TMEM114: variants seen among roughly 807,000 people sequenced by gnomAD.
TMEM114 encodes the protein claudin-26.
A neutral mutation model predicts 6.2 loss-of-function variants in TMEM114; 6 were observed. The observed-to-expected ratio is 0.97, with a 90% CI of 0.53 to 1.91. The LOEUF (loss-of-function observed/expected upper bound fraction) is 1.91, where lower values mean the gene tolerates loss of function less well. Ranked by LOEUF, TMEM114 falls within the 40% of genes most tolerant of loss-of-function variation. The pLI is 0.01. For synonymous variants in TMEM114, 104 were observed against 73.0 expected (o/e 1.42, Z -2.16); for missense variants, 218 against 158.3 (o/e 1.38, Z -2.02).
the TMEM114 span, among the ~76,000 whole-genome samples, chr16:8,529,881 G>C: frequency 1.3e-5 from 2 of 152,162 alleles, no homozygotes; most frequent in African/African-American, 4.8e-5. Context: ...TAAGCTAGAA[G>C]AATTTTAGGC....
chr16:8,530,245 C>G, the TMEM114 span, among the ~76,000 whole-genome samples: 29 of 152,312 alleles, frequency 1.9e-4, no homozygotes, highest in African/African-American at 6.7e-4. Context: ...AGCAAAGTAT[C>G]TGAGATGAGC....
intron 2 of TMEM114, among the ~76,000 whole-genome samples, chr16:8,557,972 A>C (rs888009629): frequency 1.3e-5 from 2 of 152,174 alleles, no homozygotes; most frequent in African/African-American, 4.8e-5. Flanking sequence ...AAATCAGTCC[A>C]GGCAGGTGCA....
intron 2 of TMEM114, among the ~76,000 whole-genome samples, chr16:8,562,781 T>G (rs1901306316): frequency 6.9e-6 from 1 of 145,168 alleles, no homozygotes. Context: ...AATGAGTGAG[T>G]GAATGAGTAA....
At chr16:8,539,769 A>T (rs1448138398) in intron 2 of TMEM114, among the ~76,000 whole-genome samples, 5 of 152,246 alleles carry the variant, frequency 3.3e-5, no homozygotes, top group Non-Finnish European at 1.5e-5. Flanking sequence ...AAAGAAAAAA[A>T]AAATGGAAGT....
rs182342004 is a variant in TMEM114 at position 8,555,081 on chromosome 16, A to G, written n.213-17255T>C. Among the ~76,000 whole-genome samples, 364 of 152,276 alleles carry G rather than the reference A, an allele frequency of 2.4e-3. 3 individuals carry two copies. The highest frequency in any genetic ancestry group is 8.4e-3 in the African/African-American group (347 of 41,538). On this transcript the variant is annotated intron_variant and non_coding_transcript_variant, in intron 2 of 2. Transcript: ENST00000623677. ...CTCTCCTCCCAGGTCTCTCCTTCAC[A>G]GTAACCTTTGTGGTTTTCTCTGGTT...
At chr16:8,564,441 G>A (rs1383107557) in intron 2 of TMEM114, among the ~76,000 whole-genome samples, 1 of 148,420 alleles carries the variant, frequency 6.7e-6, no homozygotes, top group Non-Finnish European at 1.5e-5. Context: ...GAGGGAGGGA[G>A]GGAATGAGTG....
chr16:8,569,706 A>T lies in TMEM114; in HGVS notation c.*67T>A. 1 of 1,482,008 alleles carries T rather than the reference A, an allele frequency of 6.7e-7. No individual in the cohort carries two copies. Among genetic ancestry groups the T allele is most frequent in the Admixed American group, 2.4e-5 (1 of 42,360 alleles). 91.8% of individuals were successfully genotyped at this position (1,482,008 alleles called of 1,614,324 possible). A position where few individuals can be genotyped will look rare whatever the true frequency, so the allele number is the denominator to read the frequency against. ...TTTGAGGAAGAAGAGGCCGCAGCCG[A>T]TGGAGATCGGTCGGTGAAGCTCCGG... On this transcript the variant is annotated 3_prime_UTR_variant, in exon 4 of 4. Coordinates refer to ENST00000620492, the MANE Select transcript of TMEM114 (RefSeq NM_001146336.2).
intron 2 of TMEM114, among the ~76,000 whole-genome samples, chr16:8,561,859 AGTGAG>A (rs1242317773): frequency 1.3e-5 from 2 of 148,980 alleles, no homozygotes; most frequent in Non-Finnish European, 3.0e-5. Context: ...TGAATGAGTG[AGTGAG>A]GGAATGAGTG....
intron 2 of TMEM114, among the ~76,000 whole-genome samples, chr16:8,538,014 T>C (rs1416132906): frequency 6.6e-6 from 1 of 150,908 alleles, no homozygotes; most frequent in African/African-American, 2.4e-5. Context: ...ATTTTTGCCC[T>C]GAGACTGGGC....
At position 8,584,648 on chromosome 16, in the gene TMEM114, C is replaced by T. The variant is rs138364499; in HGVS notation, c.301+4565G>A. Among the ~76,000 whole-genome samples, 35 of 152,178 alleles carry T rather than the reference C, an allele frequency of 2.3e-4. No individual in the cohort carries two copies. The East Asian group carries it at 5.8e-3, about 25-fold the overall frequency. ...GCTAATAAAGACATACCTGGCTGGG[C>T]GTAATGGCCCACCCTGTAATCCCAG... On this transcript the variant is annotated intron_variant, in intron 2 of 3. Coordinates refer to ENST00000620492, the MANE Select transcript of TMEM114 (RefSeq NM_001146336.2).
At chr16:8,569,231 A>T (rs1901637927), downstream of TMEM114, among the ~76,000 whole-genome samples, 1 of 152,130 alleles carries the variant, frequency 6.6e-6, no homozygotes, top group Non-Finnish European at 1.5e-5. Context: ...GTGCTCTATC[A>T]ATTGGCCAAC....
At position 8,557,499 on chromosome 16, in the gene TMEM114, C is replaced by T. The variant is rs143790999; in HGVS notation, n.213-19673G>A. On this transcript the variant is annotated intron_variant and non_coding_transcript_variant, in intron 2 of 2. Transcript: ENST00000623677. ...AAGAGGACAAACCACAATCGCCCAGCTGAGTCCTTCTGCAATTCCCAACTC... is the reference window on the plus strand; with the variant it reads ...AAGAGGACAAACCACAATCGCCCAGTTGAGTCCTTCTGCAATTCCCAACTC... Among the ~76,000 whole-genome samples the T allele has an allele frequency of 4.4e-3, 674 of 152,340 alleles. 2 individuals are homozygous for T. Among genetic ancestry groups the T allele is most frequent in the South Asian group, 0.016 (78 of 4,826 alleles).
intron 2 of TMEM114, among the ~76,000 whole-genome samples, chr16:8,557,119 A>G (rs187242029): frequency 6.6e-6 from 1 of 152,230 alleles, no homozygotes; most frequent in Non-Finnish European, 1.5e-5. Flanking sequence ...CCAATCCCCC[A>G]TGCCCTTGTT....
downstream of TMEM114, among the ~76,000 whole-genome samples, chr16:8,564,553 A>ATGAG (rs147187526): frequency 0.55 from 43,466 of 79,240 alleles, 15,908 homozygotes; most frequent in East Asian, 0.8. Context: ...GAGTCAGGGA[A>ATGAG]TGAGTGAGTG....
At chr16:8,576,257 A>C (rs1372034343) in intron 2 of TMEM114, among the ~76,000 whole-genome samples, 1 of 152,234 alleles carries the variant, frequency 6.6e-6, no homozygotes, top group Admixed American at 6.5e-5. Context: ...ATTTGGTCAC[A>C]GAATTGTCTC....
At chr16:8,532,954 T>C (rs1405699930), downstream of TMEM114, among the ~76,000 whole-genome samples, 1 of 152,000 alleles carries the variant, frequency 6.6e-6, no homozygotes, top group Non-Finnish European at 1.5e-5. Context: ...AGAAAAGAAA[T>C]ATTCATTCAT....
chr16:8,537,938 A>T (rs1461063082), intron 2 of TMEM114: 1 of 152,140 alleles, frequency 6.6e-6, no homozygotes, highest in Non-Finnish European at 1.5e-5. Flanking sequence ...CTATTTGCAT[A>T]AAACAAGAGA....
chr16:8,572,495 G>C (rs1013443243), intron 2 of TMEM114, among the ~76,000 whole-genome samples: 4 of 152,176 alleles, frequency 2.6e-5, no homozygotes, highest in African/African-American at 4.8e-5. Context: ...AAGTACAGTG[G>C]CACGACCATG....
intron 2 of TMEM114, among the ~76,000 whole-genome samples, chr16:8,563,658 TGAGC>T (rs1901378865): frequency 3.3e-5 from 5 of 151,038 alleles, no homozygotes; most frequent in African/African-American, 1.2e-4. Flanking sequence ...AGTGAATGAG[TGAGC>T]GAATAAGTAA....
Sources: gnomAD v4.1 joint callset for allele counts (sites outside exome capture counted in the v4.1 genomes callset) on GRCh38, gnomAD v4.1.1 for gene constraint, MANE v1.5 for transcripts, NCBI Gene and HGNC (gene_info 2026-07-23, HGNC 2026-07-21) for gene names.